Variants in CTNND2 observed in about 807,000 individuals in gnomAD.
The protein encoded by CTNND2 is catenin delta-2.
Under a neutral mutation model 144.4 loss-of-function variants are expected in CTNND2, and 22 were observed. The observed-to-expected ratio is 0.15, with a 90% CI of 0.11 to 0.22. The LOEUF (loss-of-function observed/expected upper bound fraction) is 0.22. Ranked by LOEUF, CTNND2 falls within the 10% of genes least tolerant of loss-of-function variation. The pLI is 1.00. For synonymous variants in CTNND2, 751 were observed against 695.6 expected (o/e 1.08, Z -1.25); for missense variants, 1,353 against 1,618.8 (o/e 0.84, Z 2.82).
At chr5:11,115,256 T>G (rs539857952) in intron 13 of CTNND2, among the ~76,000 whole-genome samples, 1 of 152,360 alleles carries the variant, frequency 6.6e-6, no homozygotes, top group East Asian at 1.9e-4. Context: ...AAAGAAGATG[T>G]TTGTGCCATG....
At chr5:11,578,669 G>GAATAAATAAATAAATA (rs57654816) in intron 2 of CTNND2, among the ~76,000 whole-genome samples, 46 of 146,102 alleles carry the variant, frequency 3.1e-4, no homozygotes, top group South Asian at 1.1e-3. Flanking sequence ...ACAAATACAT[G>GAATAAATAAATAAATA]AATAAATAAA....
chr5:11,446,329 G>A (rs1764794980), intron 3 of CTNND2, among the ~76,000 whole-genome samples: 1 of 152,138 alleles, frequency 6.6e-6, no homozygotes, highest in Non-Finnish European at 1.5e-5. Context: ...CATTAGTGAT[G>A]CTAGCAATGA....
intron 1 of CTNND2, among the ~76,000 whole-genome samples, chr5:11,732,726 G>A (rs948621745): frequency 2.0e-5 from 3 of 151,990 alleles, no homozygotes; most frequent in South Asian, 4.2e-4. Context: ...CATAACCCCC[G>A]TTATAGTCTT....
chr5:11,090,101 C>G (rs1208882799), intron 15 of CTNND2, among the ~76,000 whole-genome samples: 1 of 152,182 alleles, frequency 6.6e-6, no homozygotes, highest in Non-Finnish European at 1.5e-5. Context: ...CATTCTGAGG[C>G]CCCTGGTGTG....
chr5:11,344,918 T>C (rs537449196), intron 9 of CTNND2, among the ~76,000 whole-genome samples: 2 of 152,282 alleles, frequency 1.3e-5, no homozygotes, highest in African/African-American at 4.8e-5. Context: ...GCTAGAGAAA[T>C]ATAATTTGGT....
At chr5:11,016,927 G>A (rs1023929834) in intron 18 of CTNND2, among the ~76,000 whole-genome samples, 9 of 151,242 alleles carry the variant, frequency 6.0e-5, no homozygotes, top group Non-Finnish European at 1.3e-4. Flanking sequence ...CTGCTACCAC[G>A]CCGAGCTTTT....
intron 9 of CTNND2, among the ~76,000 whole-genome samples, chr5:11,330,315 C>CAAAAAAAAAAAAA (rs1257414767): frequency 3.6e-5 from 3 of 82,322 alleles, no homozygotes; most frequent in African/African-American, 1.3e-4. Context: ...ACTAAAAATA[C>CAAAAAAAAAAAAA]AAAAAAAAAA....
intron 14 of CTNND2, among the ~76,000 whole-genome samples, chr5:11,103,672 GC>G (rs1752136595): frequency 6.8e-6 from 1 of 147,420 alleles, no homozygotes; most frequent in African/African-American, 2.5e-5. Context: ...TGTCTCAAAA[GC>G]AAAAAACAAA....
chr5:11,616,170 T>C (rs1013590751), intron 2 of CTNND2, among the ~76,000 whole-genome samples: 3 of 152,198 alleles, frequency 2.0e-5, no homozygotes, highest in Admixed American at 6.5e-5. Flanking sequence ...ACAGCTTTTC[T>C]TTCCAATTTA....
At chr5:11,257,625 A>G (rs1744404290) in intron 9 of CTNND2, among the ~76,000 whole-genome samples, 1 of 152,162 alleles carries the variant, frequency 6.6e-6, no homozygotes, top group African/African-American at 2.4e-5. Context: ...CACCCTTATG[A>G]TTCAATTACC....
In CTNND2 at chr5:11,110,925, T is replaced by C. The variant is rs1752897284; in HGVS notation, c.2396A>G (p.Asn799Ser). ...CCCAGAGCTCTCAGCATCCTTGCCA[T>C]TGGCCTCGCCACAGAGTAGCCCGTC... ...ELDGLLCGEA[N>S]GKDAESSGCW... The change falls in exon 14 of 22, where the codon AAT becomes AGT. Residue 799 changes from asparagine (N) to serine (S), a missense_variant. Coordinates refer to ENST00000304623, the MANE Select transcript of CTNND2 (RefSeq NM_001332.4). 3.7e-6 allele frequency: 6 copies of C among 1,614,176 alleles called. No individual in the cohort carries two copies. Among genetic ancestry groups the C allele is most frequent in the Non-Finnish European group, 5.1e-6 (6 of 1,180,026 alleles).
intron 9 of CTNND2, among the ~76,000 whole-genome samples, chr5:11,241,053 C>A (rs1252932592): frequency 6.7e-6 from 1 of 149,816 alleles, no homozygotes; most frequent in East Asian, 2.0e-4. Context: ...CATGCACACA[C>A]ACCACACACA....
chr5:11,381,471 C>A (rs1046135099), intron 7 of CTNND2, among the ~76,000 whole-genome samples: 1 of 152,172 alleles, frequency 6.6e-6, no homozygotes, highest in Non-Finnish European at 1.5e-5. Context: ...TCTGATTAAC[C>A]CCCGTGGTCT....
chr5:11,029,007 A>G (rs1743168971), intron 16 of CTNND2, among the ~76,000 whole-genome samples: 1 of 152,244 alleles, frequency 6.6e-6, no homozygotes, highest in Non-Finnish European at 1.5e-5. Context: ...CTGCACCCAG[A>G]CAGAACTTTC....
chr5:11,606,250 C>T (rs915354296), intron 2 of CTNND2, among the ~76,000 whole-genome samples: 6 of 152,188 alleles, frequency 3.9e-5, no homozygotes, highest in South Asian at 2.1e-4. Context: ...TTCCCTAGAA[C>T]CTCCAGAAAG....
At chr5:11,058,615 G>C (rs1746587337) in intron 16 of CTNND2, among the ~76,000 whole-genome samples, 1 of 152,232 alleles carries the variant, frequency 6.6e-6, no homozygotes, top group Admixed American at 6.5e-5. Context: ...CCCACACACA[G>C]AGTCCCTACT....
intron 7 of CTNND2, among the ~76,000 whole-genome samples, chr5:11,373,501 AG>A (rs769081048): frequency 6.6e-6 from 1 of 152,216 alleles, no homozygotes. Context: ...CACATAGGTA[AG>A]GATAGCTCAG....
intron 2 of CTNND2, among the ~76,000 whole-genome samples, chr5:11,666,430 G>A (rs1783572678): frequency 6.6e-6 from 1 of 152,146 alleles, no homozygotes; most frequent in Non-Finnish European, 1.5e-5. Flanking sequence ...AAAGATTATT[G>A]CACTCTTCAG....
rs78031800 is a variant in CTNND2, at chr5:11,477,001, A to G, written c.288-64932T>C. Among the ~76,000 whole-genome samples, 618 of 152,344 alleles carry G rather than the reference A, an allele frequency of 4.1e-3. 6 individuals are homozygous for G. Among genetic ancestry groups the G allele is most frequent in the African/African-American group, 0.014 (584 of 41,590 alleles). ...ATAAAAAACTGGGGATTCACAGTTA[A>G]GAACACTTGACAAAGAAAATAATAG... On this transcript the variant is annotated intron_variant, in intron 3 of 21. Coordinates refer to ENST00000304623, the MANE Select transcript of CTNND2 (RefSeq NM_001332.4).
Sources: allele counts gnomAD v4.1 joint callset (sites outside exome capture counted in the v4.1 genomes callset), GRCh38; gene constraint gnomAD v4.1.1; transcripts MANE v1.5; gene names NCBI Gene and HGNC (gene_info 2026-07-23, HGNC 2026-07-21).